Variants in IDO2 observed in about 807,000 individuals in gnomAD.
The protein encoded by IDO2 is indoleamine 2,3-dioxygenase 2.
In IDO2, 46 loss-of-function variants were observed where a neutral mutation model predicts 45.1. The ratio of observed to expected loss-of-function variants is 1.02; its 90% CI spans 0.80 to 1.30. The LOEUF (loss-of-function observed/expected upper bound fraction) is 1.30, where lower values mean the gene tolerates loss of function less well. IDO2 is among the 50% of genes most tolerant of loss of function. IDO2 has a pLI of 0.00. For synonymous variants in IDO2, 218 were observed against 184.9 expected, an observed-to-expected ratio of 1.18 and a Z score of -1.45; for missense variants, 544 against 491.8, an observed-to-expected ratio of 1.11 and a Z score of -1.00.
intron 2 of IDO2, among the ~76,000 whole-genome samples, chr8:39,950,267 C>T (rs574520378): frequency 3.3e-5 from 5 of 152,234 alleles, no homozygotes; most frequent in South Asian, 2.1e-4. Flanking sequence ...CAGTGGCTCA[C>T]GCCTATAATC....
At chr8:39,975,424 T>G (rs1011404233) in intron 3 of IDO2, among the ~76,000 whole-genome samples, 1 of 152,156 alleles carries the variant, frequency 6.6e-6, no homozygotes, top group African/African-American at 2.4e-5. Flanking sequence ...ATCCTGAATA[T>G]ACAAAATCTT....
chr8:39,957,685 C>G (rs139979208), intron 2 of IDO2, among the ~76,000 whole-genome samples: 5 of 152,284 alleles, frequency 3.3e-5, no homozygotes, highest in African/African-American at 1.2e-4. Flanking sequence ...CCCTGTGATG[C>G]TCACCTGTCT....
At chr8:39,966,021 C>T (rs1033842068) in intron 3 of IDO2, among the ~76,000 whole-genome samples, 6 of 136,768 alleles carry the variant, frequency 4.4e-5, no homozygotes, top group Non-Finnish European at 9.2e-5. Context: ...TGGTCTCTAT[C>T]GCTTCTTTTT....
At chr8:39,937,305 G>A (rs973735582) in intron 1 of IDO2, among the ~76,000 whole-genome samples, 1 of 152,096 alleles carries the variant, frequency 6.6e-6, no homozygotes, top group Admixed American at 6.5e-5. Context: ...CGGAAAAAAT[G>A]AAAAATTTGC....
chr8:39,985,623 T>A, intron 6 of IDO2, 101 bp downstream of exon 6: 1 of 924,860 alleles, frequency 1.1e-6, no homozygotes, highest in Non-Finnish European at 1.7e-6. Context: ...ATGTATAATA[T>A]AATATCAACC....
intron 8 of IDO2, chr8:39,995,177 TTCCTTCTTCTTC>T (rs1230841072): frequency 7.8e-6 from 1 of 128,928 alleles, no homozygotes; most frequent in African/African-American, 3.3e-5. Context: ...CCTCCTCTTC[TTCCTTCTTCTTC>T]TTCTTCTTCT....
At chr8:39,980,231 G>A (rs576823350) in intron 4 of IDO2, among the ~76,000 whole-genome samples, 2 of 152,168 alleles carry the variant, frequency 1.3e-5, no homozygotes, top group South Asian at 2.1e-4. Flanking sequence ...GAGCCATACC[G>A]GCCCATTTTA....
At chr8:39,959,058 A>G (rs1201963363) in intron 2 of IDO2, among the ~76,000 whole-genome samples, 1 of 151,554 alleles carries the variant, frequency 6.6e-6, no homozygotes, top group Non-Finnish European at 1.5e-5. Context: ...ACTTCTTAGT[A>G]TTGATTAATA....
intron 6 of IDO2, 160 bp from the exon 7 acceptor site, chr8:39,987,711 G>T: frequency 1.8e-6 from 1 of 566,034 alleles, no homozygotes. Flanking sequence ...CCTGAATGTT[G>T]CTGAAGGTAG....
At chr8:39,943,653 C>T (rs1971046) in intron 1 of IDO2, among the ~76,000 whole-genome samples, 1 of 148,262 alleles carries the variant, frequency 6.7e-6, no homozygotes, top group Non-Finnish European at 1.5e-5. Context: ...AGGAGAATGG[C>T]GTGAACCCCG....
chr8:39,971,059 C>T (rs1360006267), intron 3 of IDO2, among the ~76,000 whole-genome samples: 4 of 152,128 alleles, frequency 2.6e-5, no homozygotes, highest in Non-Finnish European at 2.9e-5. Flanking sequence ...CCACTGCGCC[C>T]GGCCCAGGAC....
intron 8 of IDO2, among the ~76,000 whole-genome samples, chr8:40,000,791 A>T (rs1802123014): frequency 6.6e-6 from 1 of 152,200 alleles, no homozygotes; most frequent in Admixed American, 6.5e-5. Context: ...TTATTGGCCA[A>T]CACCAAATTG....
intron 9 of IDO2, among the ~76,000 whole-genome samples, chr8:40,007,704 T>C (rs926418653): frequency 1.3e-5 from 2 of 152,210 alleles, no homozygotes; most frequent in South Asian, 2.1e-4. Flanking sequence ...TGTTTTCCCT[T>C]GTTACGTAAC....
At chr8:39,962,401 T>C (rs1341581177) in intron 2 of IDO2, among the ~76,000 whole-genome samples, 3 of 152,218 alleles carry the variant, frequency 2.0e-5, no homozygotes, top group Non-Finnish European at 4.4e-5. Context: ...TACAAATTTA[T>C]CTTCCTAAAA....
At chr8:39,978,518 T>C (rs1283754992) in intron 3 of IDO2, among the ~76,000 whole-genome samples, 1 of 151,302 alleles carries the variant, frequency 6.6e-6, no homozygotes, top group Non-Finnish European at 1.5e-5. Context: ...TTCCCCATTA[T>C]GGCAACAGGG....
intron 1 of IDO2, among the ~76,000 whole-genome samples, chr8:39,946,154 A>C (rs1807725392): frequency 6.6e-6 from 1 of 152,188 alleles, no homozygotes; most frequent in East Asian, 1.9e-4. Flanking sequence ...TTGATGGATC[A>C]GGTGGCACCA....
intron 9 of IDO2, among the ~76,000 whole-genome samples, chr8:40,005,803 C>T (rs2543081): frequency 0.017 from 2,565 of 152,192 alleles, 68 homozygotes; most frequent in African/African-American, 0.058. Flanking sequence ...GTGGTTTGAA[C>T]GAATGTGTCC....
In IDO2 at chr8:39,946,657, G is replaced by A. The variant is rs140976615; in HGVS notation, c.-17-2492G>A. 4.8e-3 allele frequency among the ~76,000 whole-genome samples: 733 copies of A among 152,064 alleles called. 9 individuals carry two copies. Among genetic ancestry groups the A allele is most frequent in the African/African-American group, 0.017 (697 of 41,472 alleles). ...CTCCGCTCCCTGAATGAATGCTCCC[G>A]GAGACTGATTTGAATCATAATAAAA... On this transcript the variant is annotated intron_variant, in intron 1 of 10. Transcript: ENST00000502986.
At chr8:39,954,738 C>A (rs770378324) in intron 2 of IDO2, among the ~76,000 whole-genome samples, 3 of 148,826 alleles carry the variant, frequency 2.0e-5, no homozygotes, top group East Asian at 2.0e-4. Flanking sequence ...TCACTGCAAC[C>A]TTTGCCTCCC....
Sources: gnomAD v4.1 joint callset for allele counts (sites outside exome capture counted in the v4.1 genomes callset) on GRCh38, gnomAD v4.1.1 for gene constraint, MANE v1.5 for transcripts, NCBI Gene and HGNC (gene_info 2026-07-23, HGNC 2026-07-21) for gene names.